The following KIF6 variants were observed in gnomAD, a reference collection of about 807,000 sequenced individuals.
KIF6 encodes kinesin-like protein KIF6.
A neutral mutation model predicts 112.7 loss-of-function variants in KIF6; 106 were observed. That is an observed-to-expected ratio of 0.94 (90% CI 0.80 to 1.11). The LOEUF (loss-of-function observed/expected upper bound fraction) is 1.11, where lower values mean the gene tolerates loss of function less well. Ranked by LOEUF, KIF6 falls within the 50% of genes least tolerant of loss-of-function variation. The probability of loss-of-function intolerance (pLI) is 0.00; values close to 1 mark genes in which losing one functional copy is unlikely to be tolerated. For missense variants in KIF6, 929 were observed against 964.0 expected (o/e 0.96, Z 0.48); for synonymous variants, 339 against 339.9 (o/e 1.00, Z 0.03).
chr6:39,405,322 A>T (rs1232786517), intron 15 of KIF6, among the ~76,000 whole-genome samples: 1 of 152,200 alleles, frequency 6.6e-6, no homozygotes, highest in Non-Finnish European at 1.5e-5. Context: ...TAAGTTATTC[A>T]CCATTAATTA....
At chr6:39,430,636 C>A (rs987559818) in intron 14 of KIF6, among the ~76,000 whole-genome samples, 9 of 152,198 alleles carry the variant, frequency 5.9e-5, no homozygotes, top group African/African-American at 9.7e-5. Flanking sequence ...ACAAGATGTG[C>A]ACATATTTTC....
chr6:39,358,486 C>T (rs775937488), intron 18 of KIF6, among the ~76,000 whole-genome samples: 1 of 152,226 alleles, frequency 6.6e-6, no homozygotes, highest in Non-Finnish European at 1.5e-5. Flanking sequence ...GACACCCTTG[C>T]CTACTCTGGC....
chr6:39,590,866 G>T (rs1781912228), intron 7 of KIF6, among the ~76,000 whole-genome samples: 3 of 152,284 alleles, frequency 2.0e-5, no homozygotes, highest in Admixed American at 2.0e-4. Context: ...TCATGTGATT[G>T]AAACAGGAAA....
intron 13 of KIF6, among the ~76,000 whole-genome samples, chr6:39,538,509 A>T (rs2150559135): frequency 1.3e-5 from 2 of 152,244 alleles, no homozygotes; most frequent in South Asian, 4.1e-4. Context: ...AATCAAAACC[A>T]CAATGAGATA....
chr6:39,498,795 A>C (rs1775942179), intron 13 of KIF6, among the ~76,000 whole-genome samples: 1 of 152,170 alleles, frequency 6.6e-6, no homozygotes, highest in South Asian at 2.1e-4. Flanking sequence ...AGCATTTTAA[A>C]AATTGTTATA....
chr6:39,485,274 G>A lies in KIF6; in HGVS notation c.1646-54113C>T, dbSNP rs1775047091. 2.0e-5 allele frequency among the ~76,000 whole-genome samples: 3 copies of A among 152,122 alleles called. No homozygotes were observed. In the South Asian group the frequency reaches 6.2e-4, roughly 32 times the overall value. ...AAATTAAGGAAAGAAGAAAGCTCTG[G>A]AAATTTAATCAAGTATGATGAAATG... is the stretch of plus-strand genomic sequence containing the variant. On this transcript the variant is annotated intron_variant, in intron 13 of 22. Transcript: ENST00000287152.
rs199789256 is a variant in KIF6 at position 39,706,352 on chromosome 6, A to T, written c.251+8340T>A. Among the ~76,000 whole-genome samples the T allele has an allele frequency of 2.0e-5, 3 of 152,188 alleles. No individual in the cohort carries two copies. In the South Asian group the frequency reaches 6.2e-4, roughly 31 times the overall value. On this transcript the variant is annotated intron_variant, in intron 3 of 22. Transcript: ENST00000287152. ...GAAATGTGCATCTTTAATACATTCT[A>T]TACTGGTTACATCAACTGCTGTTGT...
intron 3 of KIF6, among the ~76,000 whole-genome samples, chr6:39,656,487 T>C (rs1041933120): frequency 3.3e-5 from 5 of 152,246 alleles, no homozygotes; most frequent in African/African-American, 4.8e-5. Flanking sequence ...CCAATTCCTT[T>C]TAGGATAAGA....
At chr6:39,346,354 A>G (rs539071393) in intron 20 of KIF6, 122 bp downstream of exon 20, 67 of 706,788 alleles carry the variant, frequency 9.5e-5, no homozygotes, top group Admixed American at 9.0e-4. Context: ...ATGAAGGTAG[A>G]ACTCTCATGA....
At chr6:39,407,992 A>T (rs919095820) in intron 15 of KIF6, among the ~76,000 whole-genome samples, 2 of 152,218 alleles carry the variant, frequency 1.3e-5, no homozygotes, top group Non-Finnish European at 2.9e-5. Context: ...CAAGTGACAG[A>T]CTGGAAGAAA....
At chr6:39,622,153 G>A (rs1783857748) in intron 5 of KIF6, among the ~76,000 whole-genome samples, 1 of 149,164 alleles carries the variant, frequency 6.7e-6, no homozygotes, top group Admixed American at 6.7e-5. Context: ...GGCAACAAAA[G>A]CGAAAATCCA....
chr6:39,687,432 G>C (rs1393473888), intron 3 of KIF6, among the ~76,000 whole-genome samples: 1 of 152,168 alleles, frequency 6.6e-6, no homozygotes, highest in Non-Finnish European at 1.5e-5. Context: ...TGTTGGCAAA[G>C]AATTGTTCTC....
chr6:39,374,132 A>G (rs1055723485), intron 16 of KIF6, among the ~76,000 whole-genome samples: 2 of 152,220 alleles, frequency 1.3e-5, no homozygotes, highest in African/African-American at 4.8e-5. Context: ...GGGAAACAAC[A>G]GTTTCTTCAA....
At chr6:39,543,371 T>C (rs1246598771) in intron 12 of KIF6, among the ~76,000 whole-genome samples, 1 of 151,096 alleles carries the variant, frequency 6.6e-6, no homozygotes, top group Non-Finnish European at 1.5e-5. Flanking sequence ...TGAAGGCTTG[T>C]GTGTGTGTGT....
intron 10 of KIF6, among the ~76,000 whole-genome samples, chr6:39,573,852 T>C (rs544741777): frequency 4.6e-4 from 70 of 152,350 alleles, no homozygotes; most frequent in African/African-American, 1.5e-3. Flanking sequence ...AATTATGAGT[T>C]TCTTGAGAGC....
chr6:39,462,198 GA>G (rs1211752396), intron 13 of KIF6, among the ~76,000 whole-genome samples: 1 of 152,170 alleles, frequency 6.6e-6, no homozygotes, highest in East Asian at 1.9e-4. Flanking sequence ...AGAACGTTTG[GA>G]GGGGTATTCT....
intron 21 of KIF6, among the ~76,000 whole-genome samples, chr6:39,345,349 C>T (rs1291962715): frequency 6.6e-6 from 1 of 152,226 alleles, no homozygotes; most frequent in Non-Finnish European, 1.5e-5. Flanking sequence ...GAAGCAAATG[C>T]TGCTGGGTCT....
chr6:39,684,407 G>T (rs1787721366), intron 3 of KIF6, among the ~76,000 whole-genome samples: 1 of 152,032 alleles, frequency 6.6e-6, no homozygotes, highest in Non-Finnish European at 1.5e-5. Flanking sequence ...CCTGAGGTTG[G>T]GAGTTCGAGG....
At chr6:39,354,240 A>G in intron 19 of KIF6, 1 of 233,598 alleles carries the variant, frequency 4.3e-6, no homozygotes, top group South Asian at 5.3e-5. Flanking sequence ...CAGGTTTTTA[A>G]GCCCCCATCT....
Sources: gnomAD v4.1 joint callset for allele counts (sites outside exome capture counted in the v4.1 genomes callset) on GRCh38, gnomAD v4.1.1 for gene constraint, MANE v1.5 for transcripts, NCBI Gene and HGNC (gene_info 2026-07-23, HGNC 2026-07-21) for gene names.